The following KANTR variants were observed in gnomAD, a reference collection of about 807,000 sequenced individuals.
KANTR encodes KANTR integral membrane protein.
At chrX:53,124,164 G>A in exon 3 of KANTR, 2 of 293,033 alleles carry the variant, frequency 6.8e-6, no homozygotes, top group Non-Finnish European at 6.0e-6. Context: ...TTCTTGAGTC[G>A]ATTTTGGTAA....
chrX:53,137,314 CCTTT>C (rs782015394), intron 2 of KANTR, among the ~76,000 whole-genome samples: 1 of 111,930 alleles, frequency 8.9e-6, no homozygotes. Flanking sequence ...CTATTCAAGG[CCTTT>C]CTATTTGTGC....
intron 2 of KANTR, among the ~76,000 whole-genome samples, chrX:53,112,015 G>C (rs1933049812): frequency 9.1e-6 from 1 of 110,190 alleles, no homozygotes; most frequent in African/African-American, 3.3e-5. Context: ...ACAGGTGGTG[G>C]TTGGTTACAT....
At chrX:53,129,053 TTTC>T (rs1933325587), downstream of KANTR, among the ~76,000 whole-genome samples, 1 of 97,789 alleles carries the variant, frequency 1.0e-5, no homozygotes, top group African/African-American at 3.6e-5. Flanking sequence ...TGGGATGATT[TTTC>T]TTCTTCTTCT....
intron 2 of KANTR, among the ~76,000 whole-genome samples, chrX:53,107,302 C>CTTTTTTTTTTTTT (rs139264757): frequency 1.1e-3 from 69 of 61,636 alleles, no homozygotes; most frequent in East Asian, 1.8e-3. Flanking sequence ...ATCCTCTTTG[C>CTTTTTTTTTTTTT]TTTTTTTTTT....
chrX:53,120,333 G>GC (rs1439337596), intron 2 of KANTR, among the ~76,000 whole-genome samples: 5 of 111,848 alleles, frequency 4.5e-5, no homozygotes, highest in South Asian at 3.7e-4. Flanking sequence ...ACCACGCTCG[G>GC]CCCCCCTTTG....
At chrX:53,099,315 G>A (rs782519416) in intron 1 of KANTR, among the ~76,000 whole-genome samples, 157 bp from the exon 2 acceptor site, 1 of 111,299 alleles carries the variant, frequency 9.0e-6, no homozygotes, top group East Asian at 2.8e-4. Flanking sequence ...GGAGGTTGCA[G>A]TGAGCTGAGC....
At chrX:53,130,674 T>A (rs1430328338), downstream of KANTR, among the ~76,000 whole-genome samples, 2 of 112,041 alleles carry the variant, frequency 1.8e-5, no homozygotes, top group Non-Finnish European at 3.8e-5. Flanking sequence ...TGTATATGTG[T>A]TTGCTGTTAC....
At chrX:53,112,633 T>C (rs1933059410) in intron 2 of KANTR, among the ~76,000 whole-genome samples, 1 of 110,989 alleles carries the variant, frequency 9.0e-6, no homozygotes, top group Non-Finnish European at 1.9e-5. Context: ...TGTTATTTGC[T>C]TCTTTTCTCT....
chrX:53,124,685 ATAGAAATGTGTTTT>A, exon 3 of KANTR: 1 of 270,528 alleles, frequency 3.7e-6, no homozygotes, highest in East Asian at 5.2e-5. Flanking sequence ...TGTAAGTTAT[ATAGAAATGTGTTTT>A]TAGATTTCCA....
downstream of KANTR, chrX:53,143,316 G>T: frequency 1.6e-6 from 1 of 639,320 alleles, no homozygotes; most frequent in Non-Finnish European, 2.5e-6. Flanking sequence ...CTGCTTGGCC[G>T]TGATGGTGAA....
chrX:53,134,494 T>C (rs1304270156), intron 2 of KANTR, among the ~76,000 whole-genome samples: 1 of 111,992 alleles, frequency 8.9e-6, no homozygotes, highest in Non-Finnish European at 1.9e-5. Flanking sequence ...ATGTTCTAGT[T>C]CTTAAGCCAG....
chrX:53,122,254 A>G (rs1871989026), intron 2 of KANTR, among the ~76,000 whole-genome samples: 1 of 111,826 alleles, frequency 8.9e-6, no homozygotes, highest in South Asian at 3.7e-4. Context: ...ACTTGCCAGC[A>G]CTAGGAAATG....
At chrX:53,101,219 GTTCGGCGCAAGAAGCCTAGCC>G (rs1454292428) in intron 2 of KANTR, among the ~76,000 whole-genome samples, 1 of 112,919 alleles carries the variant, frequency 8.9e-6, no homozygotes, top group Non-Finnish European at 1.9e-5. Context: ...TTGGCTAACT[GTTCGGCGCAAGAAGCCTAGCC>G]TTCGGCCTCT....
At chrX:53,111,273 C>T (rs1933036962) in intron 2 of KANTR, among the ~76,000 whole-genome samples, 1 of 109,993 alleles carries the variant, frequency 9.1e-6, no homozygotes, top group Admixed American at 9.8e-5. Context: ...CCTCCTGCCT[C>T]GGCCTCCTAA....
chrX:53,126,220 T>C (rs1933290836), exon 3 of KANTR: 1 of 111,180 alleles, frequency 9.0e-6, no homozygotes, highest in Non-Finnish European at 1.9e-5. Context: ...TCATGCTTCG[T>C]GGCTCAGTGA....
intron 2 of KANTR, among the ~76,000 whole-genome samples, chrX:53,140,901 C>G (rs1482106371): frequency 1.8e-5 from 2 of 112,307 alleles, no homozygotes; most frequent in African/African-American, 6.5e-5. Flanking sequence ...GTGGCTCACG[C>G]CTGTAATCCC....
At chrX:53,142,982 C>A, downstream of KANTR, 3 of 1,035,741 alleles carry the variant, frequency 2.9e-6, no homozygotes, top group Non-Finnish European at 2.7e-6. Context: ...GTGCTGGATG[C>A]CAGCGTGGTG....
rs782359488 is a variant in KANTR, at chrX:53,132,685, C to T, written n.204-9163C>T. On this transcript the variant is annotated intron_variant and non_coding_transcript_variant, in intron 2 of 2. Coordinates refer to the KANTR transcript ENST00000366185. ...TGGGCCCTCCAAAGAAATTCTCATA[C>T]AGGTCCATAAAGGGTCATGTAGAAG... Among the ~76,000 whole-genome samples the T allele has an allele frequency of 1.0e-3, 115 of 111,280 alleles. 1 individual carries two copies. The highest frequency in any genetic ancestry group is 1.6e-3 in the Non-Finnish European group (86 of 53,058).
At chrX:53,132,663 G>A (rs1475179808) in intron 2 of KANTR, among the ~76,000 whole-genome samples, 1 of 111,340 alleles carries the variant, frequency 9.0e-6, no homozygotes, top group Admixed American at 9.6e-5. Context: ...ATCCCCATGG[G>A]CCCTCCAAAG....
Sources: gnomAD v4.1 joint callset for allele counts (sites outside exome capture counted in the v4.1 genomes callset) on GRCh38, gnomAD v4.1.1 for gene constraint, MANE v1.5 for transcripts, NCBI Gene and HGNC (gene_info 2026-07-23, HGNC 2026-07-21) for gene names.